Variants in CACNA1B observed in about 807,000 individuals in gnomAD.
CACNA1B encodes the protein voltage-dependent N-type calcium channel subunit alpha-1B.
In CACNA1B, 70 loss-of-function variants were observed where a neutral mutation model predicts 247.2. That is an observed-to-expected ratio of 0.28 (90% CI 0.23 to 0.35). The LOEUF is 0.35. CACNA1B is among the 10% of genes least tolerant of loss of function. The pLI is 1.00. For missense variants in CACNA1B, 2,367 were observed against 3,197.4 expected (o/e 0.74, Z 6.26); for synonymous variants, 1,231 against 1,294.4 (o/e 0.95, Z 1.05).
chr9:138,103,625 A>G (rs1325790676), intron 38 of CACNA1B, among the ~76,000 whole-genome samples: 1 of 152,078 alleles, frequency 6.6e-6, no homozygotes, highest in Middle Eastern at 3.2e-3. Context: ...CATACCCTCC[A>G]TGTGTAAGCA....
intron 6 of CACNA1B, among the ~76,000 whole-genome samples, chr9:137,928,821 C>G (rs1290435308): frequency 2.0e-5 from 3 of 152,172 alleles, no homozygotes; most frequent in Non-Finnish European, 4.4e-5. Flanking sequence ...CAAGCACTAA[C>G]CTTTCTGTCT....
intron 15 of CACNA1B, among the ~76,000 whole-genome samples, chr9:138,006,372 G>A (rs892387891): frequency 2.6e-5 from 4 of 152,222 alleles, no homozygotes; most frequent in African/African-American, 9.6e-5. Context: ...GTGGCCGTGT[G>A]CAGCCCAGTC....
Position 138,102,937 on chromosome 9 carries a change from C to T in CACNA1B, c.5319+130C>T. On this transcript the variant is annotated intron_variant, in intron 38 of 46. Transcript: ENST00000371372. The surrounding 1 kb of genome is among the most constrained non-coding windows in gnomAD (Gnocchi z 5.4). Reference sequence around the variant, plus strand: ...CTGTCTGCCGCTCTGCTGTGCGCCCCCGGCTGCCTCACTGTGTCTTTCTCT... The same window carrying T: ...CTGTCTGCCGCTCTGCTGTGCGCCCTCGGCTGCCTCACTGTGTCTTTCTCT... The T allele has an allele frequency of 1.7e-6, 1 of 592,424 alleles. No individual in the cohort carries two copies. The highest frequency in any genetic ancestry group is 3.0e-6 in the Non-Finnish European group (1 of 332,474). The allele number at this position is 592,424 out of a possible 1,614,324, so 36.7% of individuals were successfully genotyped here.
Position 138,061,730 on chromosome 9 carries a change from G to A in CACNA1B, c.4668+1993G>A, listed in dbSNP as rs527242942. Among the ~76,000 whole-genome samples the A allele has an allele frequency of 1.5e-4, 23 of 152,326 alleles. 1 individual carries two copies. In the South Asian group the frequency reaches 4.6e-3, roughly 30 times the overall value. On this transcript the variant is annotated intron_variant, in intron 31 of 46. Coordinates refer to ENST00000371372, the MANE Select transcript of CACNA1B (RefSeq NM_000718.4). ...ACAAGGAAAGGCAAACCCACACCTGGGATGTGGGTGGATCCCAGATGAGAC... is the reference window on the plus strand; with the variant it reads ...ACAAGGAAAGGCAAACCCACACCTGAGATGTGGGTGGATCCCAGATGAGAC...
intron 15 of CACNA1B, among the ~76,000 whole-genome samples, chr9:137,992,573 C>A (rs1958444008): frequency 6.6e-6 from 1 of 152,150 alleles, no homozygotes; most frequent in South Asian, 2.1e-4. Context: ...TTAAACTATA[C>A]CCTACAACAA....
rs140546749 is a variant in CACNA1B at position 137,941,742 on chromosome 9, A to C, written c.967-10532A>C. ...GATAAAAGTGGAGAAAGGACACACT[A>C]TTCAACAAATGGTGTTGGGATAATT... is the stretch of plus-strand genomic sequence containing the variant. On this transcript the variant is annotated intron_variant, in intron 6 of 46. Transcript: ENST00000371372. Among the ~76,000 whole-genome samples the C allele has an allele frequency of 1.5e-3, 234 of 152,334 alleles. 1 individual carries two copies. Among genetic ancestry groups the C allele is most frequent in the African/African-American group, 4.8e-3 (201 of 41,586 alleles).
intron 10 of CACNA1B, among the ~76,000 whole-genome samples, chr9:137,960,421 TCAGCCTGAGAGACGGA>T (rs1958004749): frequency 2.5e-4 from 3 of 12,022 alleles, no homozygotes; most frequent in South Asian, 3.0e-3. Flanking sequence ...GGAGGGGAGG[TCAGCCTGAGAGACGGA>T]GGGGGAGGGG....
chr9:137,994,756 G>C (rs981702203), intron 15 of CACNA1B, among the ~76,000 whole-genome samples: 2 of 152,218 alleles, frequency 1.3e-5, no homozygotes, highest in African/African-American at 4.8e-5. Flanking sequence ...TGTATGGGTA[G>C]AATCAATATT....
Position 137,986,636 on chromosome 9 carries a change from A to G in CACNA1B, c.1901+92A>G, listed in dbSNP as rs964996714. 1 of 1,521,370 alleles carries G rather than the reference A, an allele frequency of 6.6e-7. No homozygotes were observed. The highest frequency in any genetic ancestry group is 9.1e-7 in the Non-Finnish European group (1 of 1,100,710). The allele number at this position is 1,521,370 out of a possible 1,614,324, so 94.2% of individuals were successfully genotyped here. ...GGTGCCGCCCAGGCTGCCTCCACCC[A>G]CCTTCCCACCAGGAAGGTCCTCAGA... On this transcript the variant is annotated intron_variant, in intron 14 of 46. Coordinates refer to ENST00000371372, the MANE Select transcript of CACNA1B (RefSeq NM_000718.4). This position sits in a 1 kb window ranked among gnomAD's most constrained non-coding sequence, Gnocchi z 6.0.
chr9:137,891,551 T>C lies in CACNA1B; in HGVS notation c.530+8668T>C. ...GATGCACCCACAGAGGTCACAGGGGTTCAAGTTCATACCCCGGGAGGGTGG... is the reference window on the plus strand; with the variant it reads ...GATGCACCCACAGAGGTCACAGGGGCTCAAGTTCATACCCCGGGAGGGTGG... On this transcript the variant is annotated intron_variant, in intron 3 of 46. Coordinates refer to ENST00000371372, the MANE Select transcript of CACNA1B (RefSeq NM_000718.4). This position sits in a 1 kb window ranked among gnomAD's most constrained non-coding sequence, Gnocchi z 4.3. The C allele has an allele frequency of 5.6e-6, 1 of 178,128 alleles. No homozygotes were observed. The highest frequency in any genetic ancestry group is 5.8e-5 in the Admixed American group (1 of 17,148). 11.0% of individuals were successfully genotyped at this position (178,128 alleles called of 1,614,324 possible).
At chr9:137,884,793 G>A (rs1364903203) in intron 3 of CACNA1B, among the ~76,000 whole-genome samples, 1 of 152,012 alleles carries the variant, frequency 6.6e-6, no homozygotes, top group Non-Finnish European at 1.5e-5. Flanking sequence ...GGAGGCAGGA[G>A]GAGTTGCACC....
rs1298448941 is a variant in CACNA1B at position 137,955,198 on chromosome 9, T to A, written c.1071-500T>A. On this transcript the variant is annotated intron_variant, in intron 7 of 46. Transcript: ENST00000371372. The surrounding 1 kb of genome is among the most constrained non-coding windows in gnomAD (Gnocchi z 6.9). ...CCCTGACCCAGTCCCTTCTTCCCTG[T>A]CCCTGTCTGTCCCTCCCACTTCCCA... Among the ~76,000 whole-genome samples the A allele has an allele frequency of 1.3e-5, 2 of 152,142 alleles. No homozygotes were observed. Among genetic ancestry groups the A allele is most frequent in the African/African-American group, 4.8e-5 (2 of 41,422 alleles).
At chr9:137,998,400 C>T (rs1462117635) in intron 15 of CACNA1B, among the ~76,000 whole-genome samples, 1 of 152,132 alleles carries the variant, frequency 6.6e-6, no homozygotes, top group African/African-American at 2.4e-5. Context: ...CACTTGAGGT[C>T]AGGCGTTCGA....
rs1957919888 is a variant in CACNA1B, at chr9:137,954,422, G to A, written c.1071-1276G>A. On this transcript the variant is annotated intron_variant, in intron 7 of 46. Coordinates refer to ENST00000371372, the MANE Select transcript of CACNA1B (RefSeq NM_000718.4). This position sits in a 1 kb window ranked among gnomAD's most constrained non-coding sequence, Gnocchi z 4.1. ...CCTGTCCTGCCTCTTCTCACCCAGCGAGGACAGAAGCTCAGGGAGGGCTGG... is the reference window on the plus strand; with the variant it reads ...CCTGTCCTGCCTCTTCTCACCCAGCAAGGACAGAAGCTCAGGGAGGGCTGG... Among the ~76,000 whole-genome samples, 1 of 152,334 alleles carries A rather than the reference G, an allele frequency of 6.6e-6. No individual in the cohort carries two copies. Among genetic ancestry groups the A allele is most frequent in the East Asian group, 1.9e-4 (1 of 5,168 alleles).
In CACNA1B at chr9:137,971,515, T is replaced by C. The variant is rs1254757540; in HGVS notation, c.1466T>C (p.Leu489Pro). The change falls in exon 11 of 47, where the codon CTG becomes CCG. Residue 489 changes from leucine (L) to proline (P), a missense_variant. This residue lies in a region of CACNA1B where 219 missense variants were observed against 297.6 expected (regional missense o/e 0.74). Transcript: ENST00000371372. The surrounding 1 kb of genome is among the most constrained non-coding windows in gnomAD (Gnocchi z 4.4). ...GCTCAGAGCTTCTACTGGGTGGTGC[T>C]GTGCGTGGTGGCCCTGAACACACTG... is the stretch of plus-strand genomic sequence containing the variant. ...VKAQSFYWVV[L>P]CVVALNTLCV... 2 of 1,613,838 alleles carry C rather than the reference T, an allele frequency of 1.2e-6. No homozygotes were observed. Among genetic ancestry groups the C allele is most frequent in the Non-Finnish European group, 1.7e-6 (2 of 1,179,814 alleles).
chr9:137,918,605 C>T (rs1472047542), intron 6 of CACNA1B, among the ~76,000 whole-genome samples: 8 of 152,066 alleles, frequency 5.3e-5, no homozygotes, highest in Admixed American at 5.2e-4. Context: ...GGAGCCTGTG[C>T]CTCTCTCCCC....
rs1957937238 is a variant in CACNA1B, at chr9:137,955,627, T to C, written c.1071-71T>C. 9.7e-7 allele frequency: 1 copy of C among 1,026,184 alleles called. No individual in the cohort carries two copies. The highest frequency in any genetic ancestry group is 1.5e-6 in the Non-Finnish European group (1 of 683,804). The allele number at this position is 1,026,184 out of a possible 1,614,324, so 63.6% of individuals were successfully genotyped here. The stretch of plus-strand genomic sequence containing the variant: ...TGTCCCAGGCTTTCCCTGGTCCTTT[T>C]TGTCTCTGGGGCTGCACACCTGTGG... On this transcript the variant is annotated intron_variant, in intron 7 of 46. Coordinates refer to ENST00000371372, the MANE Select transcript of CACNA1B (RefSeq NM_000718.4). This position sits in a 1 kb window ranked among gnomAD's most constrained non-coding sequence, Gnocchi z 6.9.
intron 36 of CACNA1B, among the ~76,000 whole-genome samples, chr9:138,093,324 AT>A (rs1412008416): frequency 6.8e-6 from 1 of 146,544 alleles, no homozygotes. Flanking sequence ...AGGCTGAGGC[AT>A]GAGAATCGCT....
chr9:137,886,206 G>A (rs560453372), intron 3 of CACNA1B, among the ~76,000 whole-genome samples: 2 of 151,762 alleles, frequency 1.3e-5, no homozygotes, highest in African/African-American at 2.4e-5. Context: ...GGGCTGAGCC[G>A]GCTCCCCACA....
Sources: gnomAD v4.1 joint callset for allele counts (sites outside exome capture counted in the v4.1 genomes callset) on GRCh38, gnomAD v4.1.1 for gene constraint, gnomAD v4.1.1 regional missense constraint, Gnocchi (gnomAD v3.1) non-coding constraint, MANE v1.5 for transcripts, NCBI Gene and HGNC (gene_info 2026-07-23, HGNC 2026-07-21) for gene names.